The following WWC1 variants were observed in gnomAD, a reference collection of about 807,000 sequenced individuals.
The protein encoded by WWC1 is protein KIBRA.
In WWC1, 55 loss-of-function variants were observed where a neutral mutation model predicts 138.4. That is an observed-to-expected ratio of 0.40 (90% CI 0.32 to 0.50). The LOEUF is 0.50. Among genes scored for constraint, WWC1 ranks in the 20% least tolerant of loss-of-function variants. The probability of loss-of-function intolerance (pLI) is 0.72; values close to 1 mark genes in which losing one functional copy is unlikely to be tolerated. For missense variants in WWC1, 1,226 were observed against 1,420.4 expected (o/e 0.86, Z 2.20); for synonymous variants, 524 against 564.9 (o/e 0.93, Z 1.03).
At chr5:168,438,458 AT>A (rs1432739773) in intron 15 of WWC1, among the ~76,000 whole-genome samples, 7 of 152,158 alleles carry the variant, frequency 4.6e-5, no homozygotes, top group African/African-American at 1.7e-4. Context: ...TTCTGCCATG[AT>A]TATAAGTTTC....
chr5:168,315,378 C>A (rs72822615), intron 1 of WWC1, among the ~76,000 whole-genome samples: 4 of 151,642 alleles, frequency 2.6e-5, no homozygotes, highest in African/African-American at 9.7e-5. Context: ...ACCTTAATCT[C>A]GAAAACCTCT....
chr5:168,444,715 G>A, intron 17 of WWC1, 130 bp downstream of exon 17: 1 of 921,822 alleles, frequency 1.1e-6, no homozygotes, highest in South Asian at 1.7e-5. Flanking sequence ...TCTCCTCATG[G>A]GTTCTCTACA....
intron 2 of WWC1, among the ~76,000 whole-genome samples, chr5:168,380,127 G>A (rs1777503630): frequency 6.6e-6 from 1 of 152,200 alleles, no homozygotes; most frequent in East Asian, 1.9e-4. Flanking sequence ...CATATTCCAA[G>A]TATGTAAAGA....
At chr5:168,324,710 A>T (rs1416439349) in intron 1 of WWC1, among the ~76,000 whole-genome samples, 1 of 152,218 alleles carries the variant, frequency 6.6e-6, no homozygotes, top group East Asian at 1.9e-4. Flanking sequence ...TAATTCAGTA[A>T]AAGTAAATGG....
Position 168,339,833 on chromosome 5 carries a change from T to TCTTTCTTTCTTTCTTTCTTTCTTTCTTTC in WWC1, c.120-31591_120-31590insCTTTCTTTCTTTCTTTCTTTCTTTCTTTC, listed in dbSNP as rs879455950. 6.3e-3 allele frequency among the ~76,000 whole-genome samples: 157 copies of TCTTTCTTTCTTTCTTTCTTTCTTTCTTTC among 25,114 alleles called. 3 individuals are homozygous for TCTTTCTTTCTTTCTTTCTTTCTTTCTTTC. Among genetic ancestry groups the TCTTTCTTTCTTTCTTTCTTTCTTTCTTTC allele is most frequent in the African/African-American group, 0.015 (147 of 10,074 alleles). The allele number at this position is 25,114 out of a possible 152,430, so 16.5% of individuals were successfully genotyped here. A position where few individuals can be genotyped will look rare whatever the true frequency, so the allele number is the denominator to read the frequency against. On this transcript the variant is annotated intron_variant, in intron 1 of 22. Transcript: ENST00000265293. Reference sequence around the variant, plus strand: ...TTCTTTCTTTCTTTCTTTCTTTCTTTTTCTTTTCTTTCTTTCTTTCTCTCT... The same window carrying TCTTTCTTTCTTTCTTTCTTTCTTTCTTTC: ...TTCTTTCTTTCTTTCTTTCTTTCTTTCTTTCTTTCTTTCTTTCTTTCTTTCTTTCTTCTTTTCTTTCTTTCTTTCTCTCT...
intron 3 of WWC1, among the ~76,000 whole-genome samples, chr5:168,396,529 G>A (rs894717794): frequency 6.6e-6 from 1 of 152,174 alleles, no homozygotes; most frequent in Admixed American, 6.5e-5. Flanking sequence ...ACTCACAGGA[G>A]AAATACTTCT....
At chr5:168,414,058 G>T (rs75327104) in intron 8 of WWC1, 1 of 385,940 alleles carries the variant, frequency 2.6e-6, no homozygotes, top group Non-Finnish European at 4.7e-6. Flanking sequence ...AGTGCTAAGA[G>T]GTTAGTGCCT....
At chr5:168,438,170 G>A (rs1322133958) in intron 15 of WWC1, among the ~76,000 whole-genome samples, 4 of 152,042 alleles carry the variant, frequency 2.6e-5, no homozygotes, top group South Asian at 2.1e-4. Flanking sequence ...ACTCAACACC[G>A]TGCTCTCAGA....
At position 168,462,013 on chromosome 5, in the gene WWC1, G is replaced by A. The variant is rs562603594; in HGVS notation, c.2916+1271G>A. Among the ~76,000 whole-genome samples the A allele has an allele frequency of 2.6e-3, 400 of 151,688 alleles. 4 individuals are homozygous for A. The highest frequency in any genetic ancestry group is 8.5e-3 in the African/African-American group (353 of 41,368). ...GGAGGTTGCAGTGAGCCGAGATCGC[G>A]CCGTTGCACTCCAGCTGGGCAACAA... On this transcript the variant is annotated intron_variant, in intron 20 of 22. Coordinates refer to ENST00000265293, the MANE Select transcript of WWC1 (RefSeq NM_015238.3).
At chr5:168,430,286 C>A in intron 14 of WWC1, 63 bp downstream of exon 14, 3 of 1,378,132 alleles carry the variant, frequency 2.2e-6, no homozygotes, top group Non-Finnish European at 3.0e-6. Flanking sequence ...CCCTGGGGGT[C>A]ACTTTTCTGC....
At chr5:168,449,493 ACTGGT>A in intron 17 of WWC1, among the ~76,000 whole-genome samples, 1 of 151,304 alleles carries the variant, frequency 6.6e-6, no homozygotes, top group East Asian at 1.9e-4. Flanking sequence ...CTCAATAAAT[ACTGGT>A]CAATGTGGCT....
chr5:168,366,532 C>T (rs181871624), intron 1 of WWC1, among the ~76,000 whole-genome samples: 1 of 152,164 alleles, frequency 6.6e-6, no homozygotes, highest in African/African-American at 2.4e-5. Flanking sequence ...TGCTTTATTT[C>T]TCTTGGGCAC....
chr5:168,370,258 T>C (rs1390209093), intron 1 of WWC1, among the ~76,000 whole-genome samples: 1 of 152,168 alleles, frequency 6.6e-6, no homozygotes, highest in Non-Finnish European at 1.5e-5. Context: ...TGTAGCTTGG[T>C]TGCACCATTG....
chr5:168,399,041 C>T (rs1779121487), intron 4 of WWC1, among the ~76,000 whole-genome samples: 2 of 152,188 alleles, frequency 1.3e-5, no homozygotes, highest in Non-Finnish European at 2.9e-5. Context: ...ACTAAGTTGC[C>T]TCTTGCCTCC....
chr5:168,374,244 AAAAT>A (rs1166182121), intron 2 of WWC1, among the ~76,000 whole-genome samples: 3 of 152,182 alleles, frequency 2.0e-5, no homozygotes, highest in Non-Finnish European at 4.4e-5. Context: ...GGAGAGACAA[AAAAT>A]AAATAAGTAG....
chr5:168,431,528 A>G, intron 15 of WWC1, 84 bp downstream of exon 15: 2 of 1,459,594 alleles, frequency 1.4e-6, no homozygotes, highest in Non-Finnish European at 1.8e-6. Flanking sequence ...GTTTATGGGG[A>G]TTGGTCTACC....
In WWC1 at chr5:168,465,548, CTTT is replaced by C. The variant is rs10527141; in HGVS notation, c.3150+612_3150+614del. On this transcript the variant is annotated intron_variant, in intron 21 of 22. Transcript: ENST00000265293. ...CACACAAAGTTTTATATCAGCTGGGCTTTTTTTTTTTTTTTTTTTTTTTTTTTT... is the reference window on the plus strand; with the variant it reads ...CACACAAAGTTTTATATCAGCTGGGCTTTTTTTTTTTTTTTTTTTTTTTTT... Among the ~76,000 whole-genome samples, 7 of 46,928 alleles carry C rather than the reference CTTT, an allele frequency of 1.5e-4. 2 individuals are homozygous for C. The highest frequency in any genetic ancestry group is 9.0e-4 in the South Asian group (1 of 1,106). 30.8% of individuals were successfully genotyped at this position (46,928 alleles called of 152,430 possible).
chr5:168,408,462 C>G (rs1486195545), intron 6 of WWC1, 45 bp from the exon 7 acceptor site: 11 of 1,601,714 alleles, frequency 6.9e-6, no homozygotes, highest in Non-Finnish European at 9.4e-6. Flanking sequence ...CCCAGAGCTC[C>G]CTCCTGGGAA....
chr5:168,420,241 A>G (rs1029391160), intron 9 of WWC1, among the ~76,000 whole-genome samples: 3 of 152,282 alleles, frequency 2.0e-5, no homozygotes, highest in African/African-American at 7.2e-5. Context: ...TCTGGAAGCT[A>G]AAAGTCCAAG....
Sources: allele counts gnomAD v4.1 joint callset (sites outside exome capture counted in the v4.1 genomes callset), GRCh38; gene constraint gnomAD v4.1.1; transcripts MANE v1.5; gene names NCBI Gene and HGNC (gene_info 2026-07-23, HGNC 2026-07-21).